Variants in SHLD2 observed in about 807,000 individuals in gnomAD.
SHLD2 encodes the protein shieldin complex subunit 2, also known as RINN1-REV7-interacting novel NHEJ regulator 2.
SHLD2 carries 30 observed loss-of-function variants against 73.2 expected under a neutral mutation model. The ratio of observed to expected loss-of-function variants is 0.41; its 90% confidence interval spans 0.31 to 0.56. The LOEUF (loss-of-function observed/expected upper bound fraction) is 0.56, where lower values mean the gene tolerates loss of function less well. Ranked by LOEUF, SHLD2 falls within the 20% of genes least tolerant of loss-of-function variation. The pLI is 0.28. For synonymous variants in SHLD2, 285 were observed against 370.1 expected (o/e 0.77, Z 2.64); for missense variants, 745 against 1,055.9 (o/e 0.71, Z 4.08).
chr10:87,109,117 T>C (rs1724904968), intron 2 of SHLD2, among the ~76,000 whole-genome samples: 1 of 152,154 alleles, frequency 6.6e-6, no homozygotes, highest in Non-Finnish European at 1.5e-5. Context: ...TTTTCAGGAA[T>C]ATGGTTTGGG....
chr10:87,113,152 C>T (rs1843035973), intron 2 of SHLD2, among the ~76,000 whole-genome samples: 1 of 152,140 alleles, frequency 6.6e-6, no homozygotes, highest in East Asian at 1.9e-4. Flanking sequence ...TGGAGAAACC[C>T]CATCTCTACT....
intron 2 of SHLD2, among the ~76,000 whole-genome samples, chr10:87,118,044 T>C (rs939551976): frequency 2.0e-5 from 3 of 152,220 alleles, no homozygotes; most frequent in African/African-American, 7.2e-5. Flanking sequence ...TTAACCTTTA[T>C]TGAGCACTGT....
chr10:87,156,983 A>G (rs1212531648), intron 3 of SHLD2, among the ~76,000 whole-genome samples: 3 of 152,140 alleles, frequency 2.0e-5, no homozygotes, highest in Non-Finnish European at 2.9e-5. Context: ...GTAATGTAAA[A>G]CAGTAGTAGT....
intron 1 of SHLD2, among the ~76,000 whole-genome samples, chr10:87,095,946 A>G (rs1347433762): frequency 6.6e-6 from 1 of 152,238 alleles, no homozygotes; most frequent in African/African-American, 2.4e-5. Flanking sequence ...GAAATAGTCT[A>G]AAATAAGGAA....
intron 2 of SHLD2, among the ~76,000 whole-genome samples, chr10:87,105,931 C>T (rs891511287): frequency 6.6e-6 from 1 of 152,192 alleles, no homozygotes; most frequent in Non-Finnish European, 1.5e-5. Flanking sequence ...GACTTACTGG[C>T]ACTTTTTGGC....
intron 9 of SHLD2, among the ~76,000 whole-genome samples, chr10:87,189,917 G>T (rs1016528875): frequency 6.6e-6 from 1 of 152,208 alleles, no homozygotes; most frequent in Non-Finnish European, 1.5e-5. Flanking sequence ...CTGATGTACT[G>T]CAGCATAACC....
At chr10:87,141,174 A>C (rs1845169516) in intron 2 of SHLD2, among the ~76,000 whole-genome samples, 1 of 151,742 alleles carries the variant, frequency 6.6e-6, no homozygotes, top group African/African-American at 2.4e-5. Context: ...CTATCTACTC[A>C]GGTGGCTAAG....
At chr10:87,148,558 T>TGG (rs1261224967) in intron 2 of SHLD2, among the ~76,000 whole-genome samples, 64 of 112,500 alleles carry the variant, frequency 5.7e-4, no homozygotes, top group Middle Eastern at 4.2e-3. Flanking sequence ...AACAAGTTTG[T>TGG]GGGGGGGCGG....
In SHLD2 at chr10:87,121,050, C is replaced by CA. The variant is rs930820906; in HGVS notation, c.-6+24071dup. Among the ~76,000 whole-genome samples the CA allele has an allele frequency of 8.8e-4, 128 of 146,118 alleles. No homozygotes were observed. The Middle Eastern group carries it at 0.01, about 12-fold the overall frequency. On this transcript the variant is annotated intron_variant, in intron 2 of 9. Transcript: ENST00000298786. ...GGGCAACAAGAGCGAAACTCTGTCTCAAAAAAAAAAGAGTGTTTTAGCAAA... is the reference window on the plus strand; with the variant it reads ...GGGCAACAAGAGCGAAACTCTGTCTCAAAAAAAAAAAGAGTGTTTTAGCAAA...
intron 8 of SHLD2, among the ~76,000 whole-genome samples, chr10:87,183,453 G>A (rs992150729): frequency 6.6e-6 from 1 of 152,108 alleles, no homozygotes; most frequent in African/African-American, 2.4e-5. Context: ...AATCTTCAGT[G>A]ATTACCTCTC....
chr10:87,173,618 CAATG>C (rs1183950173), intron 6 of SHLD2, among the ~76,000 whole-genome samples: 3 of 151,568 alleles, frequency 2.0e-5, no homozygotes, highest in South Asian at 2.1e-4. Flanking sequence ...AATAATGAAA[CAATG>C]AATAGTAGAA....
intron 2 of SHLD2, among the ~76,000 whole-genome samples, chr10:87,108,310 A>C (rs1361944265): frequency 6.6e-6 from 1 of 152,158 alleles, no homozygotes; most frequent in Non-Finnish European, 1.5e-5. Flanking sequence ...TGGCCTCCCA[A>C]AGTGCTAGGA....
chr10:87,148,559 G>C (rs966225831), intron 2 of SHLD2, among the ~76,000 whole-genome samples: 3 of 128,884 alleles, frequency 2.3e-5, no homozygotes, highest in African/African-American at 3.2e-5. Flanking sequence ...ACAAGTTTGT[G>C]GGGGGGCGGG....
chr10:87,101,160 A>G (rs1157824921), intron 2 of SHLD2, among the ~76,000 whole-genome samples: 1 of 152,190 alleles, frequency 6.6e-6, no homozygotes, highest in Non-Finnish European at 1.5e-5. Flanking sequence ...TGGCATAACA[A>G]GATTATTTCC....
chr10:87,173,660 G>A (rs1847758960), intron 6 of SHLD2, among the ~76,000 whole-genome samples: 1 of 151,884 alleles, frequency 6.6e-6, no homozygotes. Flanking sequence ...TATTTGTAAT[G>A]CAAAGGTTGG....
chr10:87,159,286 T>C (rs1308039127), intron 4 of SHLD2, among the ~76,000 whole-genome samples: 3 of 152,072 alleles, frequency 2.0e-5, no homozygotes, highest in Admixed American at 2.0e-4. Flanking sequence ...TATACTAGGG[T>C]GGCCCATCAG....
intron 6 of SHLD2, among the ~76,000 whole-genome samples, chr10:87,173,354 A>G (rs1224505172): frequency 1.3e-5 from 2 of 152,138 alleles, no homozygotes; most frequent in South Asian, 4.1e-4. Flanking sequence ...TTAGGTACCT[A>G]TTAGCCAGCT....
chr10:87,152,978 TTGCC>T (rs1337194379), intron 3 of SHLD2, 99 bp downstream of exon 3: 13 of 1,178,208 alleles, frequency 1.1e-5, no homozygotes, highest in Non-Finnish European at 1.6e-5. Flanking sequence ...CTTTAGTCAT[TTGCC>T]TCTTCTGAGC....
At chr10:87,130,174 A>G (rs1015503196) in intron 2 of SHLD2, among the ~76,000 whole-genome samples, 2 of 152,074 alleles carry the variant, frequency 1.3e-5, no homozygotes, top group African/African-American at 4.8e-5. Flanking sequence ...GGAAGCTCTT[A>G]GTACCTCATT....
Sources: allele counts gnomAD v4.1 joint callset (sites outside exome capture counted in the v4.1 genomes callset), GRCh38; gene constraint gnomAD v4.1.1; transcripts MANE v1.5; gene names NCBI Gene and HGNC (gene_info 2026-07-23, HGNC 2026-07-21).